The following MBTPS1 variants were observed in gnomAD, a reference collection of about 807,000 sequenced individuals.
MBTPS1 encodes membrane-bound transcription factor site-1 protease.
In MBTPS1, 94 loss-of-function variants were observed where a neutral mutation model predicts 127.8. The observed-to-expected ratio is 0.74, with a 90% CI of 0.62 to 0.87. The LOEUF (loss-of-function observed/expected upper bound fraction) is 0.87. Ranked by LOEUF, MBTPS1 falls within the 40% of genes least tolerant of loss-of-function variation. MBTPS1 has a pLI of 0.00. For missense variants in MBTPS1, 1,636 were observed against 1,353.2 expected (o/e 1.21, Z -3.28); for synonymous variants, 632 against 509.4 (o/e 1.24, Z -3.24).
Position 84,099,129 on chromosome 16 carries a change from T to C in MBTPS1, c.345A>G (p.Leu115=), listed in dbSNP as rs2086219240. The C allele has an allele frequency of 6.2e-7, 1 of 1,614,158 alleles. No homozygotes were observed. Among genetic ancestry groups the C allele is most frequent in the African/African-American group, 1.3e-5 (1 of 75,042 alleles). The change falls in exon 3 of 23, where the codon CTA becomes CTG. Residue 115 remains leucine, a synonymous_variant. Coordinates refer to ENST00000343411, the MANE Select transcript of MBTPS1 (RefSeq NM_003791.4). ...TGATGTTTGGATGATCTTCAAGTGT[T>C]AGCAGCCCCGCTTTCTGTTTTTCTT... ...QIKEKQKAGL[L]TLEDHPNIKR... is the part of the protein sequence containing the mutation.
In MBTPS1 at chr16:84,116,787, G is replaced by A. The variant is rs1037590445; in HGVS notation, c.-377C>T. On this transcript the variant is annotated 5_prime_UTR_variant, in exon 1 of 23. Transcript: ENST00000343411. Reference sequence around the variant, plus strand: ...GGGCCCGGGATAACGGCGCCTCCGCGGCGAACACGCCTGGGCACTCCATTC... The same window carrying A: ...GGGCCCGGGATAACGGCGCCTCCGCAGCGAACACGCCTGGGCACTCCATTC... The A allele has an allele frequency of 2.0e-5, 3 of 152,166 alleles. No individual in the cohort carries two copies. The highest frequency in any genetic ancestry group is 4.8e-5 in the African/African-American group (2 of 41,458). The allele number at this position is 152,166 out of a possible 1,614,324, so 9.4% of individuals were successfully genotyped here.
intron 18 of MBTPS1, among the ~76,000 whole-genome samples, chr16:84,064,620 C>T (rs1035738283): frequency 6.6e-6 from 1 of 152,132 alleles, no homozygotes; most frequent in Non-Finnish European, 1.5e-5. Flanking sequence ...CCAGAGGGTA[C>T]AAGCCAATGA....
In MBTPS1 at chr16:84,063,405, G is replaced by T. The variant is rs751083921; in HGVS notation, c.2472C>A (p.Asn824Lys). The change falls in exon 19 of 23, where the codon AAC (asparagine) becomes AAA (lysine). Residue 824 changes from asparagine (N) to lysine (K), a missense_variant. Asn to Lys is a moderately conservative substitution (Grantham distance 94). Transcript: ENST00000343411. ...VLKQETAVVE[N>K]VPILGLYQIP... is the part of the protein sequence containing the mutation. Reference sequence around the variant, plus strand: ...TCTGATAAAGTCCCAAAATGGGGACGTTTTCAACAACTGCTGTTTCCTGCT... The same window carrying T: ...TCTGATAAAGTCCCAAAATGGGGACTTTTTCAACAACTGCTGTTTCCTGCT... 6.2e-7 allele frequency: 1 copy of T among 1,613,900 alleles called. No homozygotes were observed. The highest frequency in any genetic ancestry group is 1.7e-5 in the Admixed American group (1 of 60,004).
intron 12 of MBTPS1, among the ~76,000 whole-genome samples, chr16:84,072,927 C>T (rs1287704114): frequency 6.6e-6 from 1 of 152,226 alleles, no homozygotes; most frequent in Non-Finnish European, 1.5e-5. Context: ...TGACTGTTCA[C>T]ACCCTCTGAT....
At chr16:84,059,634 T>G in intron 20 of MBTPS1, 1 of 467,160 alleles carries the variant, frequency 2.1e-6, no homozygotes, top group East Asian at 3.7e-5. Flanking sequence ...TTGCTGAAGG[T>G]GGGTGAGAAA....
chr16:84,080,662 G>C (rs990571042), intron 11 of MBTPS1, among the ~76,000 whole-genome samples: 1 of 152,230 alleles, frequency 6.6e-6, no homozygotes, highest in Non-Finnish European at 1.5e-5. Flanking sequence ...GCCCATTCTG[G>C]GGGGACACAG....
intron 1 of MBTPS1, among the ~76,000 whole-genome samples, chr16:84,109,994 G>A (rs183172236): frequency 3.9e-5 from 6 of 152,212 alleles, no homozygotes; most frequent in East Asian, 3.9e-4. Context: ...CATACTGTTC[G>A]TGCAACCTTC....
At chr16:84,090,587 G>A (rs1318660606) in intron 8 of MBTPS1, among the ~76,000 whole-genome samples, 1 of 152,138 alleles carries the variant, frequency 6.6e-6, no homozygotes, top group Admixed American at 6.5e-5. Flanking sequence ...AAAAAAAGTA[G>A]TTAGAATAAA....
chr16:84,099,445 A>C (rs2086224537), intron 2 of MBTPS1, 135 bp from the exon 3 acceptor site: 3 of 895,446 alleles, frequency 3.4e-6, no homozygotes, highest in Non-Finnish European at 5.0e-6. Context: ...AAACACAAAG[A>C]CTAGTTTAAG....
chr16:84,116,425 A>T (rs979874633), intron 1 of MBTPS1, among the ~76,000 whole-genome samples: 3 of 152,216 alleles, frequency 2.0e-5, no homozygotes, highest in African/African-American at 7.2e-5. Context: ...AAGCGCACCT[A>T]GAATTGAGTC....
chr16:84,088,090 G>A (rs1257096900), intron 8 of MBTPS1, among the ~76,000 whole-genome samples: 2 of 152,036 alleles, frequency 1.3e-5, no homozygotes, highest in Non-Finnish European at 2.9e-5. Flanking sequence ...AAATTATAGT[G>A]AAATAAATAA....
chr16:84,099,137 C>A lies in MBTPS1; in HGVS notation c.337G>T (p.Gly113Trp), dbSNP rs770771775. The A allele has an allele frequency of 2.5e-6, 4 of 1,614,094 alleles. No homozygotes were observed. Among genetic ancestry groups the A allele is most frequent in the South Asian group, 1.1e-5 (1 of 91,068 alleles). ...VIQIKEKQKA[G>W]LLTLEDHPNI... is the part of the protein sequence containing the mutation. ...GGATGATCTTCAAGTGTTAGCAGCC[C>A]CGCTTTCTGTTTTTCTTTTATCTGA... Residue 113 changes from glycine to tryptophan, a missense_variant, in exon 3 of 23, where the codon GGG becomes TGG. Transcript: ENST00000343411.
intron 12 of MBTPS1, among the ~76,000 whole-genome samples, chr16:84,072,513 C>T (rs1308263051): frequency 2.0e-5 from 3 of 152,186 alleles, no homozygotes; most frequent in African/African-American, 7.2e-5. Context: ...CAAATCAGGT[C>T]AGGCGCGATG....
In MBTPS1 at chr16:84,056,064, T is replaced by G. The variant is rs374310658; in HGVS notation, c.2903A>C (p.Asn968Thr). 1.3e-4 allele frequency: 212 copies of G among 1,614,006 alleles called. No individual in the cohort carries two copies. The highest frequency in any genetic ancestry group is 1.7e-4 in the Non-Finnish European group (198 of 1,180,008). ...DKVVLPNFRS[N>T]RPQVRPLSPG... ...GGACAAGGGCCTCACTTGAGGGCGA[T>G]TCGATCGAAAGTTGGGTAACACCAC... The change falls in exon 22 of 23, where the codon AAT becomes ACT. Residue 968 changes from asparagine to threonine, a missense_variant. By Grantham distance (65) the Asn-to-Thr change is moderately conservative. Transcript: ENST00000343411.
chr16:84,063,559 A>C, intron 18 of MBTPS1, 114 bp from the exon 19 acceptor site: 1 of 1,040,908 alleles, frequency 9.6e-7, no homozygotes, highest in Non-Finnish European at 1.4e-6. Flanking sequence ...TCTAATATTC[A>C]ATTAAAACAT....
At chr16:84,082,925 T>C (rs1327509486) in intron 10 of MBTPS1, among the ~76,000 whole-genome samples, 3 of 152,216 alleles carry the variant, frequency 2.0e-5, no homozygotes, top group Non-Finnish European at 2.9e-5. Context: ...GCTTCCATTA[T>C]GAGCGACTGT....
chr16:84,073,580 G>A (rs1276628720), intron 12 of MBTPS1, among the ~76,000 whole-genome samples: 1 of 152,102 alleles, frequency 6.6e-6, no homozygotes, highest in Non-Finnish European at 1.5e-5. Context: ...TTAGTATGCT[G>A]AGGCTGGAAG....
chr16:84,091,323 T>C (rs1383574898), intron 7 of MBTPS1, among the ~76,000 whole-genome samples: 1 of 151,872 alleles, frequency 6.6e-6, no homozygotes, highest in Admixed American at 6.6e-5. Flanking sequence ...CCGTCTCTAC[T>C]AAAAATAGCA....
intron 18 of MBTPS1, among the ~76,000 whole-genome samples, chr16:84,064,928 C>T (rs952277108): frequency 3.3e-5 from 5 of 152,172 alleles, no homozygotes; most frequent in African/African-American, 7.2e-5. Flanking sequence ...CTATCCTTAA[C>T]GTCCACGTAC....
Sources: gnomAD v4.1 joint callset for allele counts (sites outside exome capture counted in the v4.1 genomes callset) on GRCh38, gnomAD v4.1.1 for gene constraint, MANE v1.5 for transcripts, NCBI Gene and HGNC (gene_info 2026-07-23, HGNC 2026-07-21) for gene names.